Variants in PACRG observed in about 807,000 individuals in gnomAD.
PACRG encodes parkin coregulated.
In PACRG, 29 loss-of-function variants were observed where a neutral mutation model predicts 29.7. The observed-to-expected ratio is 0.98, with a 90% CI of 0.73 to 1.33. The LOEUF (loss-of-function observed/expected upper bound fraction) is 1.33. Ranked by LOEUF, PACRG falls within the 40% of genes most tolerant of loss-of-function variation. The pLI is 0.00. For synonymous variants in PACRG, 116 were observed against 118.7 expected (o/e 0.98, Z 0.15); for missense variants, 279 against 316.2 (o/e 0.88, Z 0.89).
chr6:163,142,132 T>TA (rs1253758439), intron 4 of PACRG, among the ~76,000 whole-genome samples: 1 of 152,050 alleles, frequency 6.6e-6, no homozygotes, highest in East Asian at 1.9e-4. Context: ...TGGATGAAAA[T>TA]AAATGTAGAC....
Position 162,728,297 on chromosome 6 carries a change from C to G in PACRG, c.62C>G (p.Thr21Ser). The change falls in exon 1 of 5, where the codon ACC (threonine) becomes AGC (serine). Residue 21 changes from threonine to serine, a missense_variant. Thr to Ser is a moderately conservative substitution (Grantham distance 58). Transcript: ENST00000366888. ...TGCCCAGACAAGATGCCGAAGAGGACCAAGCTGCTGGCACAACAGCCGCTC... is the reference window on the plus strand; with the variant it reads ...TGCCCAGACAAGATGCCGAAGAGGAGCAAGCTGCTGGCACAACAGCCGCTC... ...NKCPDKMPKR[T>S]KLLAQQPLPV... 1 of 1,614,034 alleles carries G rather than the reference C, an allele frequency of 6.2e-7. No individual in the cohort carries two copies. The highest frequency in any genetic ancestry group is 8.5e-7 in the Non-Finnish European group (1 of 1,180,026).
chr6:163,078,097 G>T (rs1812713162), intron 3 of PACRG, among the ~76,000 whole-genome samples: 1 of 152,192 alleles, frequency 6.6e-6, no homozygotes, highest in Non-Finnish European at 1.5e-5. Flanking sequence ...ATGTGATGTT[G>T]AGGGGCAAAA....
intron 2 of PACRG, among the ~76,000 whole-genome samples, chr6:162,818,438 G>A (rs1787543796): frequency 6.6e-6 from 1 of 152,102 alleles, no homozygotes; most frequent in Admixed American, 6.5e-5. Context: ...CACCTGGGGA[G>A]GGAAGAAATG....
At chr6:163,280,007 G>T (rs1784176144) in intron 4 of PACRG, among the ~76,000 whole-genome samples, 1 of 152,308 alleles carries the variant, frequency 6.6e-6, no homozygotes, top group Admixed American at 6.5e-5. Flanking sequence ...TGCACTGGAA[G>T]CTTCTGAGTG....
intron 2 of PACRG, among the ~76,000 whole-genome samples, chr6:163,030,387 C>T (rs1807548554): frequency 1.3e-5 from 2 of 152,186 alleles, no homozygotes; most frequent in Admixed American, 6.5e-5. Flanking sequence ...TTTCTTCCAG[C>T]TTATGAGAGC....
At position 163,097,452 on chromosome 6, in the gene PACRG, G is replaced by A. The variant is rs76509994; in HGVS notation, c.613+8044G>A. Among the ~76,000 whole-genome samples, 288 of 152,286 alleles carry A rather than the reference G, an allele frequency of 1.9e-3. 8 individuals are homozygous for A. In the East Asian group the frequency reaches 0.047, roughly 25 times the overall value. On this transcript the variant is annotated intron_variant, in intron 4 of 4. Coordinates refer to ENST00000366888, the MANE Select transcript of PACRG (RefSeq NM_001080379.2). ...CATTGCTTCTGAAACGGTGATGAAAGGTGTCGACAAAAAGAGTCACACTCT... is the reference window on the plus strand; with the variant it reads ...CATTGCTTCTGAAACGGTGATGAAAAGTGTCGACAAAAAGAGTCACACTCT...
chr6:162,969,884 G>A (rs533461070), intron 2 of PACRG, among the ~76,000 whole-genome samples: 21 of 152,220 alleles, frequency 1.4e-4, no homozygotes, highest in African/African-American at 4.1e-4. Context: ...TGCATTTGCC[G>A]CCAATTGCCA....
In PACRG at chr6:163,177,737, T is replaced by TTTTTTTTTTTTTGG. The variant is rs1779447560; in HGVS notation, c.613+88329_613+88330insTTTTTTTTTTTTGG. Reference sequence around the variant, plus strand: ...TTTTTTTTTTTTTTTTTTTTTTTTTTGCGGGTGGGATTCGACCGTGTTTTT... The same window carrying TTTTTTTTTTTTTGG: ...TTTTTTTTTTTTTTTTTTTTTTTTTTTTTTTTTTTTTTGGGCGGGTGGGATTCGACCGTGTTTTT... On this transcript the variant is annotated intron_variant, in intron 4 of 4. Transcript: ENST00000366888. Among the ~76,000 whole-genome samples, 7 of 141,814 alleles carry TTTTTTTTTTTTTGG rather than the reference T, an allele frequency of 4.9e-5. 1 individual carries two copies. The highest frequency in any genetic ancestry group is 7.6e-5 in the Non-Finnish European group (5 of 66,064). 93.0% of individuals were successfully genotyped at this position (141,814 alleles called of 152,430 possible).
chr6:162,738,384 C>T (rs1483956634), intron 1 of PACRG, among the ~76,000 whole-genome samples: 1 of 152,180 alleles, frequency 6.6e-6, no homozygotes, highest in African/African-American at 2.4e-5. Flanking sequence ...GTACGTAAGA[C>T]GTTCAGATGT....
At chr6:162,787,989 G>C (rs1784643873) in intron 1 of PACRG, among the ~76,000 whole-genome samples, 1 of 152,036 alleles carries the variant, frequency 6.6e-6, no homozygotes, top group Non-Finnish European at 1.5e-5. Context: ...CACCAGTGTG[G>C]TACGTTTGTT....
rs186875107 is a variant in PACRG at position 162,742,160 on chromosome 6, C to T, written c.156+13769C>T. 1.2e-4 allele frequency among the ~76,000 whole-genome samples: 18 copies of T among 152,184 alleles called. No individual in the cohort carries two copies. The East Asian group carries it at 3.5e-3, about 29-fold the overall frequency. On this transcript the variant is annotated intron_variant, in intron 1 of 4. Transcript: ENST00000366888. ...TGATATGGTTTGGCTGTGTCCTCAC[C>T]CGAATCTCATCTTGAATTTTAGCTT...
intron 2 of PACRG, among the ~76,000 whole-genome samples, chr6:162,842,445 C>T (rs1789878415): frequency 6.6e-6 from 1 of 151,860 alleles, no homozygotes; most frequent in Non-Finnish European, 1.5e-5. Flanking sequence ...TTTCCATTTG[C>T]TTGGTAGATC....
At chr6:163,111,265 T>C (rs1166187287) in intron 4 of PACRG, among the ~76,000 whole-genome samples, 2 of 152,214 alleles carry the variant, frequency 1.3e-5, no homozygotes, top group Non-Finnish European at 1.5e-5. Flanking sequence ...GTGGAATCAA[T>C]AATTTCTGGA....
At chr6:163,307,729 T>C (rs1301642467) in intron 4 of PACRG, among the ~76,000 whole-genome samples, 2 of 152,116 alleles carry the variant, frequency 1.3e-5, no homozygotes, top group African/African-American at 4.8e-5. Flanking sequence ...CAAAGTTACA[T>C]AGCAAAGCTA....
At chr6:162,888,751 T>C (rs548062749) in intron 2 of PACRG, among the ~76,000 whole-genome samples, 2 of 152,182 alleles carry the variant, frequency 1.3e-5, no homozygotes, top group South Asian at 4.2e-4. Context: ...AGGCCCTGGC[T>C]CCCATTAGGC....
chr6:163,024,722 T>C (rs1806959585), intron 2 of PACRG, among the ~76,000 whole-genome samples: 1 of 152,192 alleles, frequency 6.6e-6, no homozygotes, highest in Admixed American at 6.5e-5. Flanking sequence ...TTTTTTTTAT[T>C]TGTGCCACCT....
At chr6:162,846,094 G>A (rs980138203) in intron 2 of PACRG, among the ~76,000 whole-genome samples, 51 of 152,118 alleles carry the variant, frequency 3.4e-4, no homozygotes, top group African/African-American at 1.2e-3. Flanking sequence ...AAGGAAGCTG[G>A]ACGGAAACAC....
intron 2 of PACRG, among the ~76,000 whole-genome samples, chr6:162,828,300 A>G (rs1788453507): frequency 6.6e-6 from 1 of 152,198 alleles, no homozygotes; most frequent in South Asian, 2.1e-4. Flanking sequence ...CTCACTGAAT[A>G]TTGCTGATTG....
chr6:162,937,957 G>C (rs968556899), intron 2 of PACRG, among the ~76,000 whole-genome samples: 1 of 151,924 alleles, frequency 6.6e-6, no homozygotes, highest in Non-Finnish European at 1.5e-5. Flanking sequence ...ACAAGAGTAA[G>C]TTCTTTAGTG....
Sources: allele counts gnomAD v4.1 joint callset (sites outside exome capture counted in the v4.1 genomes callset), GRCh38; gene constraint gnomAD v4.1.1; transcripts MANE v1.5; gene names NCBI Gene and HGNC (gene_info 2026-07-23, HGNC 2026-07-21).